The following PDS5A variants were observed in gnomAD, a reference collection of about 807,000 sequenced individuals.
The protein encoded by PDS5A is PDS5 cohesin associated factor A, also known as sister chromatid cohesion protein PDS5 homolog A.
A neutral mutation model predicts 167.1 loss-of-function variants in PDS5A; 42 were observed. That is an observed-to-expected ratio of 0.25 (90% confidence interval 0.20 to 0.33). The LOEUF is 0.33. Ranked by LOEUF, PDS5A falls within the 10% of genes least tolerant of loss-of-function variation. PDS5A has a pLI of 1.00. For missense variants in PDS5A, 1,033 were observed against 1,605.9 expected (o/e 0.64, Z 6.10); for synonymous variants, 553 against 554.6 (o/e 1.00, Z 0.04).
intron 11 of PDS5A, among the ~76,000 whole-genome samples, chr4:39,905,336 T>A (rs1723237719): frequency 6.6e-6 from 1 of 152,138 alleles, no homozygotes; most frequent in African/African-American, 2.4e-5. Flanking sequence ...GGCAGGTGGA[T>A]CACCTGAGGT....
At chr4:39,839,472 G>C (rs1311405852) in intron 31 of PDS5A, among the ~76,000 whole-genome samples, 1 of 152,032 alleles carries the variant, frequency 6.6e-6, no homozygotes, top group Admixed American at 6.6e-5. Context: ...AGGAGGCTGA[G>C]GCAGGAGAAT....
At chr4:39,944,521 C>T (rs1334742693) in intron 2 of PDS5A, among the ~76,000 whole-genome samples, 1 of 151,806 alleles carries the variant, frequency 6.6e-6, no homozygotes, top group Non-Finnish European at 1.5e-5. Flanking sequence ...GGAGAAAGCC[C>T]GTCTCTACTA....
At position 39,856,258 on chromosome 4, in the gene PDS5A, A is replaced by T. The variant is rs77739696; in HGVS notation, c.3086+5961T>A. ...GTCAACCAAGAATCTTATATCCTAT[A>T]TAAGATTTGTCTTTGTCCAAGAATA... On this transcript the variant is annotated intron_variant, in intron 26 of 32. Transcript: ENST00000303538. Among the ~76,000 whole-genome samples the T allele has an allele frequency of 7.1e-3, 1,078 of 152,344 alleles. 13 individuals are homozygous for T. The highest frequency in any genetic ancestry group is 0.024 in the African/African-American group (993 of 41,580).
At chr4:39,909,041 A>AAAATAAAATAAAATAAAAT (rs1723644215) in intron 10 of PDS5A, among the ~76,000 whole-genome samples, 1 of 35,284 alleles carries the variant, frequency 2.8e-5, no homozygotes, top group Admixed American at 4.1e-4. Flanking sequence ...CCTGTATCAA[A>AAAATAAAATAAAATAAAAT]AAATAAAATA....
At chr4:39,890,896 C>G (rs1044679731) in intron 16 of PDS5A, among the ~76,000 whole-genome samples, 1 of 151,976 alleles carries the variant, frequency 6.6e-6, no homozygotes, top group Non-Finnish European at 1.5e-5. Context: ...GGATTACAGG[C>G]GTGAGCCACC....
intron 5 of PDS5A, 138 bp from the exon 6 acceptor site, chr4:39,922,886 A>G: frequency 1.9e-6 from 2 of 1,055,850 alleles, no homozygotes; most frequent in Non-Finnish European, 2.5e-6. Flanking sequence ...GACAGTGCCA[A>G]TAATGGCAGA....
intron 2 of PDS5A, among the ~76,000 whole-genome samples, chr4:39,943,473 A>C (rs545230647): frequency 6.6e-6 from 1 of 152,138 alleles, no homozygotes; most frequent in South Asian, 2.1e-4. Flanking sequence ...CTGAACTCCA[A>C]ACCCAATTCT....
In PDS5A at chr4:39,845,886, A is replaced by T. The variant is rs79426492; in HGVS notation, c.3340-6T>A. ...CTCTTATCGTTACAGAAGTCCTATT[A>T]AAAAAAAAAAAGAAAAAGAAAAAAG... On this transcript the variant is annotated splice_polypyrimidine_tract_variant and splice_region_variant and intron_variant, in intron 28 of 32. Coordinates refer to ENST00000303538, the MANE Select transcript of PDS5A (RefSeq NM_001100399.2). 20 of 584,250 alleles carry T rather than the reference A, an allele frequency of 3.4e-5. No individual in the cohort carries two copies. In the South Asian group the frequency reaches 6.5e-4, roughly 19 times the overall value. 36.2% of individuals were successfully genotyped at this position (584,250 alleles called of 1,614,324 possible). A position where few individuals can be genotyped will look rare whatever the true frequency, so the allele number is the denominator to read the frequency against.
At chr4:39,958,921 T>C (rs971691684) in intron 2 of PDS5A, among the ~76,000 whole-genome samples, 2 of 152,162 alleles carry the variant, frequency 1.3e-5, no homozygotes, top group Non-Finnish European at 2.9e-5. Flanking sequence ...ACTTATTTAT[T>C]TTCCTTAAAC....
intron 32 of PDS5A, among the ~76,000 whole-genome samples, chr4:39,836,501 C>T (rs187759137): frequency 2.0e-3 from 303 of 152,144 alleles, no homozygotes; most frequent in African/African-American, 7.0e-3. Flanking sequence ...ATGGCGCAAT[C>T]TCTGCTCACT....
intron 11 of PDS5A, 62 bp from the exon 12 acceptor site, chr4:39,904,253 A>T (rs1723115789): frequency 8.1e-7 from 1 of 1,240,600 alleles, no homozygotes; most frequent in African/African-American, 1.5e-5. Flanking sequence ...ATCTCCAAAG[A>T]CTGCCTTGGC....
At chr4:39,956,479 C>CGA (rs1728935558) in intron 2 of PDS5A, among the ~76,000 whole-genome samples, 1 of 117,640 alleles carries the variant, frequency 8.5e-6, no homozygotes, top group Non-Finnish European at 1.7e-5. Flanking sequence ...GGTGACAGAG[C>CGA]GAGACTGTCT....
intron 2 of PDS5A, among the ~76,000 whole-genome samples, chr4:39,962,539 A>C (rs181025418): frequency 6.6e-6 from 1 of 152,080 alleles, no homozygotes; most frequent in East Asian, 1.9e-4. Context: ...GGCGCAGTGG[A>C]TCATGCCTGT....
At chr4:39,929,294 T>C (rs1355656750) in intron 2 of PDS5A, among the ~76,000 whole-genome samples, 1 of 151,766 alleles carries the variant, frequency 6.6e-6, no homozygotes, top group Non-Finnish European at 1.5e-5. Flanking sequence ...GTTAAGCTGG[T>C]GGGCACAATC....
At chr4:39,951,274 T>C (rs1461191904) in intron 2 of PDS5A, among the ~76,000 whole-genome samples, 3 of 152,134 alleles carry the variant, frequency 2.0e-5, no homozygotes, top group Non-Finnish European at 4.4e-5. Context: ...AATATAATCT[T>C]GTAAGATTTG....
Position 39,841,931 on chromosome 4 carries a change from T to A in PDS5A, c.3657+17A>T, listed in dbSNP as rs895766979. 5 of 1,402,016 alleles carry A rather than the reference T, an allele frequency of 3.6e-6. No individual in the cohort carries two copies. Among genetic ancestry groups the A allele is most frequent in the Non-Finnish European group, 2.0e-6 (2 of 990,306 alleles). 86.8% of individuals were successfully genotyped at this position (1,402,016 alleles called of 1,614,324 possible). A position where few individuals can be genotyped will look rare whatever the true frequency, so the allele number is the denominator to read the frequency against. On this transcript the variant is annotated intron_variant, in intron 31 of 32. Transcript: ENST00000303538. ...ATCTCCATGGAAAAAATCCACTTGT[T>A]AAATTTTAAAATTTACCTTATTCTT... is the stretch of plus-strand genomic sequence containing the variant.
chr4:39,906,836 A>G (rs542523598), intron 11 of PDS5A, among the ~76,000 whole-genome samples: 1 of 145,740 alleles, frequency 6.9e-6, no homozygotes, highest in Non-Finnish European at 1.5e-5. Flanking sequence ...TCATTTTCTC[A>G]TTTTTTAGGC....
intron 2 of PDS5A, among the ~76,000 whole-genome samples, chr4:39,956,583 T>C (rs142854522): frequency 5.3e-5 from 8 of 151,352 alleles, no homozygotes; most frequent in African/African-American, 1.5e-4. Flanking sequence ...TTCAAAAACA[T>C]CTAAAGACAA....
chr4:39,925,049 T>C (rs1394190407), intron 5 of PDS5A, among the ~76,000 whole-genome samples: 3 of 152,034 alleles, frequency 2.0e-5, no homozygotes, highest in Non-Finnish European at 4.4e-5. Context: ...GAGGTGGAAG[T>C]TGCAGTGAGC....
Sources: allele counts gnomAD v4.1 joint callset (sites outside exome capture counted in the v4.1 genomes callset), GRCh38; gene constraint gnomAD v4.1.1; transcripts MANE v1.5; gene names NCBI Gene and HGNC (gene_info 2026-07-23, HGNC 2026-07-21).